CNTNAP4: variants seen among roughly 807,000 people sequenced by gnomAD.
CNTNAP4 encodes the protein contactin associated protein family member 4.
In CNTNAP4, 98 loss-of-function variants were observed where a neutral mutation model predicts 148.4. The ratio of observed to expected loss-of-function variants is 0.66; its 90% CI spans 0.56 to 0.78. The LOEUF is 0.78. Ranked by LOEUF, CNTNAP4 falls within the 30% of genes least tolerant of loss-of-function variation. The pLI is 0.00. For synonymous variants in CNTNAP4, 730 were observed against 565.1 expected (o/e 1.29, Z -4.14); for missense variants, 1,935 against 1,565.6 (o/e 1.24, Z -3.98).
chr16:76,351,765 G>T (rs145416296), intron 2 of CNTNAP4, among the ~76,000 whole-genome samples: 1 of 152,316 alleles, frequency 6.6e-6, no homozygotes, highest in Admixed American at 6.5e-5. Flanking sequence ...TGTGAGCAGC[G>T]CTAGGAAGAG....
chr16:76,313,389 C>G (rs999261955), intron 1 of CNTNAP4, among the ~76,000 whole-genome samples: 1 of 152,164 alleles, frequency 6.6e-6, no homozygotes, highest in Admixed American at 6.5e-5. Flanking sequence ...CACATGTGCG[C>G]CCTCCTTCCA....
At chr16:76,490,286 G>A (rs774700071) in intron 13 of CNTNAP4, among the ~76,000 whole-genome samples, 7 of 152,134 alleles carry the variant, frequency 4.6e-5, no homozygotes, top group African/African-American at 1.7e-4. Context: ...ATTATTCTAC[G>A]TGCCTCTTTC....
intron 4 of CNTNAP4, 51 bp from the exon 5 acceptor site, chr16:76,447,961 A>C (rs977185264): frequency 7.4e-7 from 1 of 1,345,088 alleles, no homozygotes; most frequent in Admixed American, 1.8e-5. Flanking sequence ...AAAATGATTT[A>C]ATGGAAAAGA....
At chr16:76,372,601 A>G (rs1271614998) in intron 3 of CNTNAP4, among the ~76,000 whole-genome samples, 2 of 152,050 alleles carry the variant, frequency 1.3e-5, no homozygotes, top group Admixed American at 1.3e-4. Flanking sequence ...TGGTTTTGTA[A>G]AGGGTTTCCC....
chr16:76,344,483 T>G (rs1447060867), intron 2 of CNTNAP4, among the ~76,000 whole-genome samples: 1 of 152,220 alleles, frequency 6.6e-6, no homozygotes, highest in East Asian at 1.9e-4. Context: ...AACAAAATAC[T>G]CATGCACATA....
chr16:76,409,271 C>T (rs1308336727), intron 3 of CNTNAP4, among the ~76,000 whole-genome samples: 1 of 151,788 alleles, frequency 6.6e-6, no homozygotes, highest in Non-Finnish European at 1.5e-5. Flanking sequence ...CTTACAGAAA[C>T]ACTTATGGTT....
At chr16:76,348,643 C>A (rs1306522242) in intron 2 of CNTNAP4, among the ~76,000 whole-genome samples, 1 of 152,116 alleles carries the variant, frequency 6.6e-6, no homozygotes, top group Non-Finnish European at 1.5e-5. Flanking sequence ...TCACTAGTAT[C>A]AAACGCCACA....
chr16:76,495,868 T>C lies in CNTNAP4; in HGVS notation c.2237+802T>C, dbSNP rs2082384226. 2.0e-5 allele frequency among the ~76,000 whole-genome samples: 3 copies of C among 152,182 alleles called. No homozygotes were observed. The South Asian group carries it at 6.2e-4, about 32-fold the overall frequency. On this transcript the variant is annotated intron_variant, in intron 14 of 23. Transcript: ENST00000611870. The stretch of plus-strand genomic sequence containing the variant: ...GATTTTGTTACACAATGCATACTGA[T>C]TACAGTGATAAATCTGTTAATGTAG...
At chr16:76,474,743 C>G (rs535337099) in intron 10 of CNTNAP4, among the ~76,000 whole-genome samples, 20 of 152,214 alleles carry the variant, frequency 1.3e-4, no homozygotes, top group South Asian at 4.1e-4. Flanking sequence ...ACTTTTTCAT[C>G]TATGGTGCCC....
At chr16:76,482,944 A>C (rs2081889900) in intron 12 of CNTNAP4, among the ~76,000 whole-genome samples, 1 of 152,196 alleles carries the variant, frequency 6.6e-6, no homozygotes, top group Non-Finnish European at 1.5e-5. Context: ...GTATGCGAGA[A>C]TTAAACATAA....
chr16:76,296,166 A>T (rs1282324743), intron 1 of CNTNAP4, among the ~76,000 whole-genome samples: 1 of 152,180 alleles, frequency 6.6e-6, no homozygotes, highest in African/African-American at 2.4e-5. Flanking sequence ...CTGATACAAA[A>T]TGTTTTCTAA....
chr16:76,553,138 A>T (rs551877730), intron 21 of CNTNAP4, 145 bp from the exon 22 acceptor site: 1 of 587,004 alleles, frequency 1.7e-6, no homozygotes, highest in South Asian at 2.5e-5. Flanking sequence ...AGAATAATGG[A>T]TTTTTATCTT....
chr16:76,482,431 A>ATTTTTTTTTTTTTTTTTTTTTTTTTT (rs373576749), intron 12 of CNTNAP4, among the ~76,000 whole-genome samples: 1 of 129,600 alleles, frequency 7.7e-6, no homozygotes, highest in African/African-American at 2.9e-5. Flanking sequence ...TGTTTTACAC[A>ATTTTTTTTTTTTTTTTTTTTTTTTTT]ATTTTTTTTT....
intron 3 of CNTNAP4, among the ~76,000 whole-genome samples, chr16:76,421,839 T>C (rs2079201045): frequency 6.6e-6 from 1 of 152,140 alleles, no homozygotes; most frequent in Admixed American, 6.6e-5. Context: ...CTGGTGCTGC[T>C]CTTTATTTGG....
chr16:76,316,587 C>T, intron 2 of CNTNAP4, 64 bp downstream of exon 2: 1 of 1,032,740 alleles, frequency 9.7e-7, no homozygotes, highest in Non-Finnish European at 1.5e-6. Flanking sequence ...ATTATCTTTG[C>T]ATACAGTCAT....
At chr16:76,461,686 AG>A (rs1408536896) in intron 8 of CNTNAP4, among the ~76,000 whole-genome samples, 3 of 152,216 alleles carry the variant, frequency 2.0e-5, no homozygotes, top group Non-Finnish European at 2.9e-5. Flanking sequence ...GAAATTACAT[AG>A]ATGGAAGCTG....
In CNTNAP4 at chr16:76,522,634, C is replaced by CTTCCTTCCTTCCTTCCTTCCTTCT. The variant is rs151001744; in HGVS notation, c.2755+380_2755+381insCTTCCTTCCTTCCTTCCTTCTTTC. On this transcript the variant is annotated intron_variant, in intron 17 of 23. Transcript: ENST00000611870. ...ATTTCCTTCCTTCCTTCCTTCCTTC[C>CTTCCTTCCTTCCTTCCTTCCTTCT]TTCTTTCTTTCTTTTCTCTCTTTCT... 2.8e-3 allele frequency among the ~76,000 whole-genome samples: 206 copies of CTTCCTTCCTTCCTTCCTTCCTTCT among 73,074 alleles called. 11 individuals are homozygous for CTTCCTTCCTTCCTTCCTTCCTTCT. The highest frequency in any genetic ancestry group is 3.9e-3 in the Non-Finnish European group (121 of 31,156). 47.9% of individuals were successfully genotyped at this position (73,074 alleles called of 152,430 possible).
chr16:76,530,205 G>A (rs1163360367), intron 17 of CNTNAP4, among the ~76,000 whole-genome samples: 3 of 151,868 alleles, frequency 2.0e-5, no homozygotes, highest in African/African-American at 7.3e-5. Context: ...ATATATTCCA[G>A]ATTTTTATTT....
At chr16:76,465,256 A>C (rs2081134330) in intron 9 of CNTNAP4, among the ~76,000 whole-genome samples, 1 of 152,076 alleles carries the variant, frequency 6.6e-6, no homozygotes, top group Non-Finnish European at 1.5e-5. Flanking sequence ...TTTCATCTCA[A>C]ATTGGGCTCA....
Sources: allele counts gnomAD v4.1 joint callset (sites outside exome capture counted in the v4.1 genomes callset), GRCh38; gene constraint gnomAD v4.1.1; transcripts MANE v1.5; gene names NCBI Gene and HGNC (gene_info 2026-07-23, HGNC 2026-07-21).